Variants in DPP4 observed in about 807,000 individuals in gnomAD.
DPP4 encodes dipeptidyl peptidase 4.
Under a neutral mutation model 122.4 loss-of-function variants are expected in DPP4, and 93 were observed. The ratio of observed to expected loss-of-function variants is 0.76; its 90% CI spans 0.64 to 0.90. The LOEUF is 0.90. DPP4 is among the 40% of genes least tolerant of loss of function. DPP4 has a pLI of 0.00. For synonymous variants in DPP4, 321 were observed against 302.9 expected, an observed-to-expected ratio of 1.06 and a Z score of -0.62; for missense variants, 914 against 907.3, an observed-to-expected ratio of 1.01 and a Z score of -0.09.
At position 162,073,961 on chromosome 2, in the gene DPP4, T is replaced by C. The variant is rs553375970; in HGVS notation, c.6+15A>G. On this transcript the variant is annotated intron_variant, in intron 1 of 25. Coordinates refer to ENST00000360534, the MANE Select transcript of DPP4 (RefSeq NM_001935.4). ...CCACAGCTCGCCCCGGGGACGTACG[T>C]GGCGCGGCACTCACCTTCATCGTCG... 10 of 1,612,104 alleles carry C rather than the reference T, an allele frequency of 6.2e-6. 1 individual carries two copies. The South Asian group carries it at 7.7e-5, about 12-fold the overall frequency.
chr2:162,046,739 G>A (rs1361539760), intron 4 of DPP4, 176 bp downstream of exon 4: 1 of 670,562 alleles, frequency 1.5e-6, no homozygotes, highest in South Asian at 1.5e-5. Flanking sequence ...AATCGTCAAA[G>A]GAGACTAAAA....
chr2:162,073,851 T>C lies in DPP4; in HGVS notation c.6+125A>G. 3 of 1,302,166 alleles carry C rather than the reference T, an allele frequency of 2.3e-6. No homozygotes were observed. The South Asian group carries it at 4.4e-5, about 19-fold the overall frequency. 80.7% of individuals were successfully genotyped at this position (1,302,166 alleles called of 1,614,324 possible). Reference sequence around the variant, plus strand: ...GGACGTCCCTTCACCTGTCAGAGGGTGGCCTTGGGGCTTCCGCCTAAGGGG... The same window carrying C: ...GGACGTCCCTTCACCTGTCAGAGGGCGGCCTTGGGGCTTCCGCCTAAGGGG... On this transcript the variant is annotated intron_variant, in intron 1 of 25. Coordinates refer to ENST00000360534, the MANE Select transcript of DPP4 (RefSeq NM_001935.4).
At position 161,993,359 on chromosome 2, in the gene DPP4, A is replaced by C. The variant is rs750100443; in HGVS notation, c.2225T>G (p.Ile742Arg). 4 of 1,613,466 alleles carry C rather than the reference A, an allele frequency of 2.5e-6. No individual in the cohort carries two copies. The highest frequency in any genetic ancestry group is 3.4e-6 in the Non-Finnish European group (4 of 1,179,484). Reference sequence around the variant, plus strand: ...ATGTTGGTGTGCTGTGCTGCTAGCTATTCCATGGTCTTCATCAGTATACCA... The same window carrying C: ...ATGTTGGTGTGCTGTGCTGCTAGCTCTTCCATGGTCTTCATCAGTATACCA... ...AMWYTDEDHG[I>R]ASSTAHQHIY... The change falls in exon 26 of 26, where the codon ATA (isoleucine) becomes AGA (arginine). Residue 742 changes from isoleucine (I) to arginine (R), a missense_variant. Coordinates refer to ENST00000360534, the MANE Select transcript of DPP4 (RefSeq NM_001935.4).
At chr2:162,035,528 G>A (rs1312950304) in intron 8 of DPP4, among the ~76,000 whole-genome samples, 1 of 152,178 alleles carries the variant, frequency 6.6e-6, no homozygotes, top group Non-Finnish European at 1.5e-5. Context: ...GTAAAAATAA[G>A]TAACCCGTTG....
At chr2:162,000,135 C>T (rs531247491) in intron 23 of DPP4, among the ~76,000 whole-genome samples, 118 of 152,194 alleles carry the variant, frequency 7.8e-4, no homozygotes, top group African/African-American at 2.0e-3. Flanking sequence ...TTGGGTCTAA[C>T]GGACAGCAAC....
chr2:162,055,662 A>G (rs537995493), intron 2 of DPP4, among the ~76,000 whole-genome samples: 2 of 150,342 alleles, frequency 1.3e-5, no homozygotes, highest in African/African-American at 4.9e-5. Flanking sequence ...ACAAAGTGAA[A>G]CTCTGTCTCA....
rs1684225582 is a variant in DPP4 at position 162,047,400 on chromosome 2, T to G, written c.193+3A>C. On this transcript the variant is annotated splice_donor_region_variant and intron_variant, in intron 3 of 25. Transcript: ENST00000360534. Reference sequence around the variant, plus strand: ...AATCTGCCCTACCCCAAAAAATTCTTACCTGAAATCCATCTTAAGGAGTAT... The same window carrying G: ...AATCTGCCCTACCCCAAAAAATTCTGACCTGAAATCCATCTTAAGGAGTAT... 1 of 1,518,936 alleles carries G rather than the reference T, an allele frequency of 6.6e-7. No individual in the cohort carries two copies. The highest frequency in any genetic ancestry group is 1.4e-5 in the African/African-American group (1 of 73,376). The allele number at this position is 1,518,936 out of a possible 1,614,324, so 94.1% of individuals were successfully genotyped here.
chr2:161,993,470 C>T lies in DPP4; in HGVS notation c.2200-86G>A, dbSNP rs775584321. 419 of 932,470 alleles carry T rather than the reference C, an allele frequency of 4.5e-4. 1 individual carries two copies. Among genetic ancestry groups the T allele is most frequent in the Middle Eastern group, 6.5e-4 (3 of 4,612 alleles). 57.8% of individuals were successfully genotyped at this position (932,470 alleles called of 1,614,324 possible). A position where few individuals can be genotyped will look rare whatever the true frequency, so the allele number is the denominator to read the frequency against. On this transcript the variant is annotated intron_variant, in intron 25 of 25. Transcript: ENST00000360534. ...ATACGTAAATTCAAATGAGCTCTCA[C>T]GAGCATACATGGTATAAAACAGAGT... is the stretch of plus-strand genomic sequence containing the variant.
intron 2 of DPP4, among the ~76,000 whole-genome samples, chr2:162,058,029 T>C (rs142461568): frequency 2.8e-4 from 42 of 152,274 alleles, no homozygotes; most frequent in African/African-American, 9.1e-4. Context: ...TGTCCCGGCC[T>C]CCCAAAGTGC....
intron 3 of DPP4, 56 bp downstream of exon 3, chr2:162,047,347 G>A (rs1417756468): frequency 3.4e-5 from 35 of 1,024,356 alleles, no homozygotes; most frequent in Non-Finnish European, 4.9e-5. Context: ...CCCACATCTC[G>A]ACTTAACTAG....
At chr2:162,064,164 T>C (rs765847844) in intron 2 of DPP4, among the ~76,000 whole-genome samples, 4 of 152,106 alleles carry the variant, frequency 2.6e-5, no homozygotes. Flanking sequence ...GAGGAGGTGT[T>C]GGAAGTTTGA....
At chr2:162,072,546 C>T (rs1280060643) in intron 2 of DPP4, among the ~76,000 whole-genome samples, 1 of 152,222 alleles carries the variant, frequency 6.6e-6, no homozygotes, top group African/African-American at 2.4e-5. Flanking sequence ...ATACATTCCT[C>T]AGTTGACTAA....
chr2:162,015,724 C>G (rs1037796530), intron 18 of DPP4, among the ~76,000 whole-genome samples: 1 of 152,108 alleles, frequency 6.6e-6, no homozygotes, highest in East Asian at 1.9e-4. Flanking sequence ...TCAAGTCACC[C>G]GTCTACTAAT....
chr2:162,033,863 T>TATATATATAC (rs1683660605), intron 9 of DPP4, among the ~76,000 whole-genome samples: 1 of 9,024 alleles, frequency 1.1e-4, no homozygotes, highest in African/African-American at 7.7e-4. Flanking sequence ...AGAATATGTG[T>TATATATATAC]ATATATATAT....
rs529033120 is a variant in DPP4, at chr2:162,073,647, A to C, written c.7-161T>G. 6 of 717,166 alleles carry C rather than the reference A, an allele frequency of 8.4e-6. No individual in the cohort carries two copies. The South Asian group carries it at 8.5e-5, about 10-fold the overall frequency. The allele number at this position is 717,166 out of a possible 1,614,324, so 44.4% of individuals were successfully genotyped here. A position where few individuals can be genotyped will look rare whatever the true frequency, so the allele number is the denominator to read the frequency against. ...GTGGGGGTGGCGTCTGGAGTGCGCC[A>C]GTTGGAGTTCTCTAAGGCGGGTGCC... is the stretch of plus-strand genomic sequence containing the variant. On this transcript the variant is annotated intron_variant, in intron 1 of 25. Coordinates refer to ENST00000360534, the MANE Select transcript of DPP4 (RefSeq NM_001935.4).
At chr2:161,999,236 A>C (rs923000174) in intron 23 of DPP4, among the ~76,000 whole-genome samples, 17 of 152,220 alleles carry the variant, frequency 1.1e-4, no homozygotes, top group African/African-American at 3.9e-4. Context: ...TAAGCTGTAA[A>C]GATAACATAC....
intron 16 of DPP4, 33 bp from the exon 17 acceptor site, chr2:162,017,188 T>C (rs201457658): frequency 1.8e-5 from 28 of 1,594,272 alleles, no homozygotes; most frequent in Non-Finnish European, 1.3e-5. Flanking sequence ...ATGTTTTGGA[T>C]GAATACTTTT....
intron 11 of DPP4, among the ~76,000 whole-genome samples, chr2:162,023,555 G>A (rs574252778): frequency 8.5e-5 from 13 of 152,174 alleles, no homozygotes; most frequent in Middle Eastern, 3.4e-3. Flanking sequence ...CTTCTATGGC[G>A]TTCTGTCCTT....
intron 4 of DPP4, among the ~76,000 whole-genome samples, chr2:162,046,371 T>C (rs1684174173): frequency 6.6e-6 from 1 of 152,174 alleles, no homozygotes; most frequent in South Asian, 2.1e-4. Flanking sequence ...CTGAGGTTTC[T>C]AGCATAAGTG....
Sources: gnomAD v4.1 joint callset for allele counts (sites outside exome capture counted in the v4.1 genomes callset) on GRCh38, gnomAD v4.1.1 for gene constraint, MANE v1.5 for transcripts, NCBI Gene and HGNC (gene_info 2026-07-23, HGNC 2026-07-21) for gene names.